Variants in PDE11A observed in about 807,000 individuals in gnomAD.
PDE11A encodes dual 3',5'-cyclic-AMP and -GMP phosphodiesterase 11A.
PDE11A carries 100 observed loss-of-function variants against 100.5 expected under a neutral mutation model. That is an observed-to-expected ratio of 1.00 (90% CI 0.85 to 1.18). The LOEUF (loss-of-function observed/expected upper bound fraction) is 1.18, where lower values mean the gene tolerates loss of function less well. Ranked by LOEUF, PDE11A falls within the 50% of genes most tolerant of loss-of-function variation. The pLI is 0.00. For synonymous variants in PDE11A, 381 were observed against 420.8 expected, an observed-to-expected ratio of 0.91 and a Z score of 1.16; for missense variants, 1,141 against 1,152.6, an observed-to-expected ratio of 0.99 and a Z score of 0.15.
At chr2:177,870,571 C>T (rs548272912) in intron 5 of PDE11A, among the ~76,000 whole-genome samples, 1 of 152,330 alleles carries the variant, frequency 6.6e-6, no homozygotes, top group Non-Finnish European at 1.5e-5. Context: ...TGAGCAACTA[C>T]TATGTGCCAG....
chr2:178,098,036 T>C (rs1476896275), intron 2 of PDE11A, among the ~76,000 whole-genome samples: 1 of 152,174 alleles, frequency 6.6e-6, no homozygotes, highest in African/African-American at 2.4e-5. Context: ...AGTAAGACTT[T>C]TACTGAAACA....
At chr2:177,998,008 G>T in intron 2 of PDE11A, 1 of 1,226,424 alleles carries the variant, frequency 8.2e-7, no homozygotes, top group Non-Finnish European at 1.2e-6. Context: ...AGACCTTGTG[G>T]AATGGACAGT....
At chr2:177,719,692 G>A (rs1480832052) in intron 12 of PDE11A, among the ~76,000 whole-genome samples, 1 of 152,112 alleles carries the variant, frequency 6.6e-6, no homozygotes, top group Non-Finnish European at 1.5e-5. Flanking sequence ...CAGAAAGGCA[G>A]TATTTACAGA....
intron 5 of PDE11A, among the ~76,000 whole-genome samples, chr2:177,862,541 C>G (rs2083961372): frequency 6.6e-6 from 1 of 151,712 alleles, no homozygotes; most frequent in Non-Finnish European, 1.5e-5. Flanking sequence ...TTTTTATATA[C>G]AAATAATGAC....
At chr2:177,829,343 T>A (rs927016376) in intron 6 of PDE11A, among the ~76,000 whole-genome samples, 7 of 152,206 alleles carry the variant, frequency 4.6e-5, no homozygotes, top group Non-Finnish European at 1.0e-4. Flanking sequence ...CTCTGTTTAC[T>A]TTTTTCTTGT....
At chr2:177,854,970 T>C (rs1246407789) in intron 5 of PDE11A, among the ~76,000 whole-genome samples, 1 of 152,162 alleles carries the variant, frequency 6.6e-6, no homozygotes, top group African/African-American at 2.4e-5. Context: ...GGAAGTTACA[T>C]AGCAACACAA....
intron 2 of PDE11A, among the ~76,000 whole-genome samples, chr2:177,927,590 C>T (rs923838167): frequency 1.5e-4 from 23 of 152,308 alleles, no homozygotes; most frequent in African/African-American, 5.3e-4. Context: ...CAGAAAAACA[C>T]ATTTTCCATA....
chr2:177,729,993 CA>C (rs909901538), intron 10 of PDE11A, among the ~76,000 whole-genome samples: 11 of 151,746 alleles, frequency 7.2e-5, no homozygotes, highest in Admixed American at 6.6e-4. Flanking sequence ...ATTTTGATTG[CA>C]AAAAAAGAAA....
intron 2 of PDE11A, among the ~76,000 whole-genome samples, chr2:178,087,853 T>TC (rs1048312328): frequency 6.6e-6 from 1 of 152,160 alleles, no homozygotes; most frequent in African/African-American, 2.4e-5. Context: ...AGGGAAGGTG[T>TC]CCCACTCCTC....
chr2:177,829,169 T>C (rs1036366095), intron 6 of PDE11A, among the ~76,000 whole-genome samples: 2 of 152,008 alleles, frequency 1.3e-5, no homozygotes, highest in Non-Finnish European at 2.9e-5. Flanking sequence ...TCAATAGAGA[T>C]ATGGAAACAG....
intron 1 of PDE11A, among the ~76,000 whole-genome samples, chr2:178,054,860 G>A (rs570948629): frequency 6.6e-5 from 10 of 152,340 alleles, no homozygotes; most frequent in Admixed American, 1.3e-4. Context: ...AGGTGCTGGA[G>A]AGGATGTGGA....
chr2:177,670,875 A>AAT (rs3056901), intron 17 of PDE11A, among the ~76,000 whole-genome samples: 123,307 of 151,912 alleles, frequency 0.81, 50,790 homozygotes, highest in East Asian at 0.98. Flanking sequence ...CCCTTTCAAG[A>AAT]TCAACCACAA....
intron 9 of PDE11A, among the ~76,000 whole-genome samples, chr2:177,798,525 T>C (rs1057128456): frequency 2.6e-5 from 4 of 152,226 alleles, no homozygotes; most frequent in African/African-American, 9.6e-5. Flanking sequence ...TAAATGATGA[T>C]ATAATTATTA....
intron 19 of PDE11A, among the ~76,000 whole-genome samples, chr2:177,654,118 G>A (rs2080347777): frequency 6.6e-6 from 1 of 152,060 alleles, no homozygotes; most frequent in Admixed American, 6.5e-5. Context: ...AATAAAATGA[G>A]GCACCAAAGT....
At chr2:177,762,641 C>T (rs2082184933) in intron 10 of PDE11A, among the ~76,000 whole-genome samples, 1 of 152,146 alleles carries the variant, frequency 6.6e-6, no homozygotes, top group South Asian at 2.1e-4. Flanking sequence ...CCGTGTGACA[C>T]TTAGGGAATG....
intron 2 of PDE11A, among the ~76,000 whole-genome samples, chr2:177,973,272 T>TG (rs2105798848): frequency 1.6e-5 from 2 of 127,732 alleles, no homozygotes; most frequent in East Asian, 4.7e-4. Flanking sequence ...TTGCCTCACC[T>TG]GGGAAGCGCA....
intron 3 of PDE11A, among the ~76,000 whole-genome samples, chr2:177,903,800 G>A (rs77016415): frequency 0.019 from 2,923 of 152,338 alleles, 53 homozygotes; most frequent in South Asian, 0.046. Context: ...ATTGAAGGCC[G>A]AGGGAGGAAT....
chr2:178,014,198 T>C, intron 2 of PDE11A, 104 bp downstream of exon 2: 2 of 864,872 alleles, frequency 2.3e-6, no homozygotes, highest in East Asian at 2.4e-5. Flanking sequence ...GATCCATGAA[T>C]GGGCTAATCC....
At chr2:177,846,742 A>C (rs1337570942) in intron 5 of PDE11A, among the ~76,000 whole-genome samples, 1 of 152,178 alleles carries the variant, frequency 6.6e-6, no homozygotes, top group Non-Finnish European at 1.5e-5. Context: ...CCACCTGGAG[A>C]GGGCACCTTT....
Sources: gnomAD v4.1 joint callset for allele counts (sites outside exome capture counted in the v4.1 genomes callset) on GRCh38, gnomAD v4.1.1 for gene constraint, MANE v1.5 for transcripts, NCBI Gene and HGNC (gene_info 2026-07-23, HGNC 2026-07-21) for gene names.